Variants in FYTTD1 observed in about 807,000 individuals in gnomAD.
FYTTD1 encodes UAP56-interacting factor.
A neutral mutation model predicts 40.9 loss-of-function variants in FYTTD1; 22 were observed. That is an observed-to-expected ratio of 0.54 (90% CI 0.38 to 0.77). The LOEUF is 0.77. Among genes scored for constraint, FYTTD1 ranks in the 30% least tolerant of loss-of-function variants. The pLI, the probability that FYTTD1 is intolerant of heterozygous loss-of-function variation, is 0.00. For missense variants in FYTTD1, 351 were observed against 392.2 expected (o/e 0.90, Z 0.89); for synonymous variants, 140 against 137.9 (o/e 1.01, Z -0.10).
intron 5 of FYTTD1, 50 bp downstream of exon 5, chr3:197,773,549 A>G (rs1196747587): frequency 8.5e-6 from 7 of 826,786 alleles, no homozygotes; most frequent in South Asian, 8.2e-5. Context: ...GTTTTTTCCC[A>G]AAGAGGATCC....
Position 197,783,948 on chromosome 3 carries a change from G to A in FYTTD1, c.*2039G>A, listed in dbSNP as rs1372336438. ...TCATGCATCTGTAATTTAATTTTAA[G>A]TATAATGTTTTGCCTTTGGTACAAC... On this transcript the variant is annotated 3_prime_UTR_variant, in exon 9 of 9. Coordinates refer to ENST00000241502, the MANE Select transcript of FYTTD1 (RefSeq NM_032288.7). 1.3e-5 allele frequency: 2 copies of A among 152,040 alleles called. No individual in the cohort carries two copies. Among genetic ancestry groups the A allele is most frequent in the East Asian group, 1.9e-4 (1 of 5,182 alleles). 9.4% of individuals were successfully genotyped at this position (152,040 alleles called of 1,614,324 possible). A position where few individuals can be genotyped will look rare whatever the true frequency, so the allele number is the denominator to read the frequency against.
chr3:197,759,558 A>C (rs1192643836), intron 2 of FYTTD1, among the ~76,000 whole-genome samples: 1 of 151,652 alleles, frequency 6.6e-6, no homozygotes, highest in African/African-American at 2.4e-5. Context: ...CAGTGGTAGA[A>C]CGTATAGAGT....
At chr3:197,750,931 C>A in intron 1 of FYTTD1, 1 of 791,784 alleles carries the variant, frequency 1.3e-6, no homozygotes, top group Non-Finnish European at 1.5e-6. Flanking sequence ...CTGACACTAC[C>A]GAGGCACCAG....
intron 2 of FYTTD1, among the ~76,000 whole-genome samples, chr3:197,757,523 T>TA (rs1320639603): frequency 6.6e-6 from 1 of 152,230 alleles, no homozygotes; most frequent in Non-Finnish European, 1.5e-5. Flanking sequence ...CACAGTGGCT[T>TA]ATGCCTGTAA....
In FYTTD1 at chr3:197,783,311, C is replaced by T. The variant is rs1348760036; in HGVS notation, c.*1402C>T. ...AAAACATCTAAATAGGTGTTAGTTT[C>T]TCAGGAGTAGATTGTTAGTGTTGAC... On this transcript the variant is annotated 3_prime_UTR_variant, in exon 9 of 9. Coordinates refer to ENST00000241502, the MANE Select transcript of FYTTD1 (RefSeq NM_032288.7). The T allele has an allele frequency of 4.6e-5, 7 of 152,574 alleles. No homozygotes were observed. Among genetic ancestry groups the T allele is most frequent in the African/African-American group, 1.7e-4 (7 of 41,428 alleles). 9.5% of individuals were successfully genotyped at this position (152,574 alleles called of 1,614,324 possible).
intron 2 of FYTTD1, among the ~76,000 whole-genome samples, chr3:197,757,855 C>T (rs1004666781): frequency 6.6e-6 from 1 of 152,232 alleles, no homozygotes; most frequent in Non-Finnish European, 1.5e-5. Flanking sequence ...GAGTAAATTT[C>T]ATGACAGGTA....
intron 2 of FYTTD1, among the ~76,000 whole-genome samples, chr3:197,764,833 G>A (rs80140952): frequency 0.067 from 10,094 of 151,442 alleles, 724 homozygotes; most frequent in African/African-American, 0.18. Flanking sequence ...GCCAAGGGAT[G>A]GAGTTCTATT....
chr3:197,777,689 T>G (rs140190102), intron 7 of FYTTD1, among the ~76,000 whole-genome samples: 1 of 152,298 alleles, frequency 6.6e-6, no homozygotes, highest in African/African-American at 2.4e-5. Context: ...CTTTGTCAAT[T>G]TATGGAGCTT....
At chr3:197,770,759 A>G (rs1250604348) in intron 4 of FYTTD1, among the ~76,000 whole-genome samples, 1 of 151,568 alleles carries the variant, frequency 6.6e-6, no homozygotes, top group East Asian at 1.9e-4. Context: ...CATGTTGTCC[A>G]GGCTGGTCTC....
At chr3:197,753,982 C>T (rs990791385) in intron 1 of FYTTD1, among the ~76,000 whole-genome samples, 25 of 152,072 alleles carry the variant, frequency 1.6e-4, no homozygotes, top group Admixed American at 7.2e-4. Context: ...CCTCATGATC[C>T]GCCCACTTCG....
chr3:197,786,453 AT>A lies in FYTTD1; in HGVS notation c.*4545del, dbSNP rs1165348843. The A allele has an allele frequency of 2.0e-5, 3 of 152,192 alleles. No individual in the cohort carries two copies. The highest frequency in any genetic ancestry group is 7.2e-5 in the African/African-American group (3 of 41,448). 9.4% of individuals were successfully genotyped at this position (152,192 alleles called of 1,614,324 possible). A position where few individuals can be genotyped will look rare whatever the true frequency, so the allele number is the denominator to read the frequency against. The stretch of plus-strand genomic sequence containing the variant: ...CTACCTATGTTTAACAGGAAGCTTG[AT>A]AACACAAGCAAATGTGATGCCATTC... On this transcript the variant is annotated 3_prime_UTR_variant, in exon 9 of 9. Transcript: ENST00000241502.
intron 1 of FYTTD1, chr3:197,755,781 C>G (rs1022709106): frequency 1.1e-5 from 17 of 1,550,218 alleles, no homozygotes; most frequent in Non-Finnish European, 1.4e-5. Context: ...AGTCACCATG[C>G]CTGGCCGGAA....
chr3:197,771,504 C>T (rs550610923), intron 4 of FYTTD1, among the ~76,000 whole-genome samples: 19 of 152,120 alleles, frequency 1.2e-4, no homozygotes, highest in East Asian at 3.9e-4. Context: ...AGGCCGGGTG[C>T]GGTGGCTCAC....
At chr3:197,765,554 A>C (rs1729519334) in intron 2 of FYTTD1, among the ~76,000 whole-genome samples, 1 of 152,088 alleles carries the variant, frequency 6.6e-6, no homozygotes, top group Non-Finnish European at 1.5e-5. Context: ...GGCAGCAATA[A>C]TTTGATTTAA....
rs930611020 is a variant in FYTTD1 at position 197,782,729 on chromosome 3, T to C, written c.*820T>C. 1 of 152,184 alleles carries C rather than the reference T, an allele frequency of 6.6e-6. No homozygotes were observed. Among genetic ancestry groups the C allele is most frequent in the South Asian group, 2.1e-4 (1 of 4,822 alleles). 9.4% of individuals were successfully genotyped at this position (152,184 alleles called of 1,614,324 possible). A position where few individuals can be genotyped will look rare whatever the true frequency, so the allele number is the denominator to read the frequency against. ...TTCAAAACCCTGGTTATAGATGTACTGTTTGGATGTAGCATAGTCTTGAGT... is the reference window on the plus strand; with the variant it reads ...TTCAAAACCCTGGTTATAGATGTACCGTTTGGATGTAGCATAGTCTTGAGT... On this transcript the variant is annotated 3_prime_UTR_variant, in exon 9 of 9. Coordinates refer to ENST00000241502, the MANE Select transcript of FYTTD1 (RefSeq NM_032288.7).
At chr3:197,773,588 C>T in intron 5 of FYTTD1, 89 bp downstream of exon 5, 1 of 715,234 alleles carries the variant, frequency 1.4e-6, no homozygotes, top group South Asian at 1.7e-5. Context: ...AAGCCTCAGT[C>T]ATAGGCAGCA....
In FYTTD1 at chr3:197,749,975, A is replaced by G. The variant is rs1296173018; in HGVS notation, c.4A>G (p.Asn2Asp). The G allele has an allele frequency of 1.3e-6, 2 of 1,578,662 alleles. No homozygotes were observed. Among genetic ancestry groups the G allele is most frequent in the Non-Finnish European group, 1.7e-6 (2 of 1,164,470 alleles). M[N>D]RFGTRLVGAT... is the part of the protein sequence containing the mutation. ...TCTCGGCGCGACGTCTCCAGCCATG[A>G]ACCGGTTTGGTACCCGGTTGGTGGG... is the stretch of plus-strand genomic sequence containing the variant. Residue 2 changes from asparagine (N) to aspartate (D), a missense_variant, in exon 1 of 9, where the codon AAC (asparagine) becomes GAC (aspartate). Physicochemically the swap from Asn to Asp is conservative, Grantham distance 23. Coordinates refer to ENST00000241502, the MANE Select transcript of FYTTD1 (RefSeq NM_032288.7).
intron 3 of FYTTD1, among the ~76,000 whole-genome samples, chr3:197,769,808 G>A (rs113376753): frequency 1.2e-4 from 18 of 151,126 alleles, no homozygotes; most frequent in Non-Finnish European, 1.9e-4. Flanking sequence ...TTCCAGAGCC[G>A]CGATTCCCCA....
At chr3:197,759,286 T>C (rs1170396451) in intron 2 of FYTTD1, among the ~76,000 whole-genome samples, 3 of 151,888 alleles carry the variant, frequency 2.0e-5, no homozygotes, top group African/African-American at 7.3e-5. Flanking sequence ...GTAGAACATA[T>C]AGAGTGTTCT....
Sources: gnomAD v4.1 joint callset for allele counts (sites outside exome capture counted in the v4.1 genomes callset) on GRCh38, gnomAD v4.1.1 for gene constraint, MANE v1.5 for transcripts, NCBI Gene and HGNC (gene_info 2026-07-23, HGNC 2026-07-21) for gene names.